Variants in ABCB4 observed in about 807,000 individuals in gnomAD.
ABCB4 encodes ATP binding cassette subfamily B member 4, also known as phosphatidylcholine translocator ABCB4.
A neutral mutation model predicts 145.7 loss-of-function variants in ABCB4; 76 were observed. That is an observed-to-expected ratio of 0.52 (90% CI 0.43 to 0.63). The LOEUF (loss-of-function observed/expected upper bound fraction) is 0.63, where lower values mean the gene tolerates loss of function less well. ABCB4 is among the 30% of genes least tolerant of loss of function. ABCB4 has a pLI of 0.00. For missense variants in ABCB4, 1,234 were observed against 1,553.1 expected (o/e 0.79, Z 3.45); for synonymous variants, 517 against 566.8 (o/e 0.91, Z 1.25).
chr7:87,460,803 T>C (rs1462340978), intron 4 of ABCB4, among the ~76,000 whole-genome samples: 1 of 151,946 alleles, frequency 6.6e-6, no homozygotes, highest in East Asian at 1.9e-4. Context: ...GTATTTTTTA[T>C]AGGTGTGTAG....
At chr7:87,439,546 G>C in intron 14 of ABCB4, 121 bp downstream of exon 14, 1 of 1,158,458 alleles carries the variant, frequency 8.6e-7, no homozygotes, top group South Asian at 1.2e-5. Context: ...AATCAATACA[G>C]CTCCATGAGG....
At chr7:87,375,032 A>G in the ABCB4 span, among the ~76,000 whole-genome samples, 2 of 152,076 alleles carry the variant, frequency 1.3e-5, no homozygotes, top group East Asian at 1.9e-4. Flanking sequence ...AAATTCACCA[A>G]TCTAGGAGCA....
Position 87,405,978 on chromosome 7 carries a change from TA to T in ABCB4, c.3486+309del, listed in dbSNP as rs543245101. ...ATGTAAATCCATAATTATCTCAAAA[TA>T]AAAACTATAATTGTTTTAAAAGTAC... is the stretch of plus-strand genomic sequence containing the variant. On this transcript the variant is annotated intron_variant, in intron 26 of 27. Coordinates refer to ENST00000649586, the MANE Select transcript of ABCB4 (RefSeq NM_000443.4). The T allele has an allele frequency of 3.0e-4, 127 of 418,258 alleles. 1 individual carries two copies. The highest frequency in any genetic ancestry group is 2.2e-3 in the African/African-American group (110 of 49,930). 25.9% of individuals were successfully genotyped at this position (418,258 alleles called of 1,614,324 possible). A position where few individuals can be genotyped will look rare whatever the true frequency, so the allele number is the denominator to read the frequency against.
At position 87,440,248 on chromosome 7, in the gene ABCB4, T is replaced by G. The variant is rs534819914; in HGVS notation, c.1511A>C (p.Lys504Thr). The change falls in exon 13 of 28, where the codon AAA (lysine) becomes ACA (threonine). Residue 504 changes from lysine (K) to threonine (T), a missense_variant. By Grantham distance (78) the Lys-to-Thr change is moderately conservative. Transcript: ENST00000649586. Reference sequence around the variant, plus strand: ...ATAGGCGTTGGCCTCTTTGACAGCTTTCTTTATCTCATCCATGGTTACATT... The same window carrying G: ...ATAGGCGTTGGCCTCTTTGACAGCTGTCTTTATCTCATCCATGGTTACATT... ...RGNVTMDEIK[K>T]AVKEANAYEF... 4 of 1,614,178 alleles carry G rather than the reference T, an allele frequency of 2.5e-6. No individual in the cohort carries two copies. The South Asian group carries it at 4.4e-5, about 18-fold the overall frequency.
At chr7:87,392,810 C>CT in the ABCB4 span, 5 of 1,613,352 alleles carry the variant, frequency 3.1e-6, no homozygotes, top group Middle Eastern at 1.6e-4. Context: ...TACGGACCCA[C>CT]TTTTTTCCAA....
At chr7:87,391,904 G>A in the ABCB4 span, among the ~76,000 whole-genome samples, 3 of 152,156 alleles carry the variant, frequency 2.0e-5, no homozygotes, top group Non-Finnish European at 2.9e-5. Context: ...GGGAAGGCAG[G>A]AAAAGGATCC....
intron 27 of ABCB4, among the ~76,000 whole-genome samples, chr7:87,402,642 T>A (rs45537731): frequency 1.3e-5 from 2 of 152,214 alleles, no homozygotes; most frequent in Non-Finnish European, 2.9e-5. Context: ...TTCTTTTGAA[T>A]GCTTTACTTT....
Position 87,462,919 on chromosome 7 carries a change from G to T in ABCB4, c.136-11C>A. ...ATCGGAGTATCGAAACTAAAAAAAG[G>T]AAATAAAATAATACTTAGCTGTGGA... is the stretch of plus-strand genomic sequence containing the variant. On this transcript the variant is annotated splice_polypyrimidine_tract_variant and intron_variant, in intron 3 of 27. Transcript: ENST00000649586. The T allele has an allele frequency of 1.2e-6, 2 of 1,611,442 alleles. No individual in the cohort carries two copies. Among genetic ancestry groups the T allele is most frequent in the Non-Finnish European group, 1.7e-6 (2 of 1,177,870 alleles).
At chr7:87,439,957 A>T in intron 13 of ABCB4, 120 bp from the exon 14 acceptor site, 2 of 1,360,026 alleles carry the variant, frequency 1.5e-6, no homozygotes, top group African/African-American at 1.5e-5. Flanking sequence ...TGTATCATAA[A>T]GTATGATAAG....
chr7:87,382,212 A>C, the ABCB4 span: 1 of 1,545,736 alleles, frequency 6.5e-7, no homozygotes, highest in South Asian at 1.2e-5. Context: ...TTAAATAATA[A>C]TGATTTTTTC....
At chr7:87,387,459 A>G in the ABCB4 span, among the ~76,000 whole-genome samples, 2 of 151,274 alleles carry the variant, frequency 1.3e-5, no homozygotes, top group African/African-American at 2.4e-5. Flanking sequence ...AACATGAGCT[A>G]TACTTTTTTT....
chr7:87,465,989 C>T (rs1365289893), intron 3 of ABCB4, among the ~76,000 whole-genome samples: 1 of 152,126 alleles, frequency 6.6e-6, no homozygotes, highest in Non-Finnish European at 1.5e-5. Flanking sequence ...AAAATCAGAG[C>T]GCCTCTCCTC....
At chr7:87,376,094 A>G in the ABCB4 span, 1 of 692,432 alleles carries the variant, frequency 1.4e-6, no homozygotes, top group East Asian at 2.9e-5. Flanking sequence ...CTTGTGCCAA[A>G]TTGAAGCTTA....
At chr7:87,404,580 A>G (rs892745846) in intron 26 of ABCB4, among the ~76,000 whole-genome samples, 5 of 152,218 alleles carry the variant, frequency 3.3e-5, no homozygotes, top group African/African-American at 1.2e-4. Context: ...TAAACAAGCT[A>G]CAGACTGGGA....
chr7:87,400,993 G>A (rs1011645918), downstream of ABCB4, among the ~76,000 whole-genome samples: 4 of 152,144 alleles, frequency 2.6e-5, no homozygotes, highest in East Asian at 7.7e-4. Flanking sequence ...CAGACCTACT[G>A]AATCAATTAT....
the ABCB4 span, among the ~76,000 whole-genome samples, chr7:87,379,766 T>C: frequency 1.3e-5 from 2 of 152,204 alleles, no homozygotes; most frequent in African/African-American, 4.8e-5. Flanking sequence ...CCTTCTAACC[T>C]AAGATGATTA....
intron 20 of ABCB4, among the ~76,000 whole-genome samples, chr7:87,417,879 G>A (rs1430463987): frequency 6.6e-6 from 1 of 152,256 alleles, no homozygotes; most frequent in Non-Finnish European, 1.5e-5. Flanking sequence ...TAATTCAAAA[G>A]TGTAAAAGGG....
chr7:87,366,637 C>G, the ABCB4 span, among the ~76,000 whole-genome samples: 1 of 152,212 alleles, frequency 6.6e-6, no homozygotes, highest in East Asian at 1.9e-4. Context: ...TGCTACTGCT[C>G]TCTTCATGGC....
intron 14 of ABCB4, 71 bp from the exon 15 acceptor site, chr7:87,431,636 G>A: frequency 6.4e-7 from 1 of 1,572,464 alleles, no homozygotes; most frequent in Non-Finnish European, 8.7e-7. Flanking sequence ...GCACAGTTAA[G>A]CACTTGGATG....
Sources: gnomAD v4.1 joint callset for allele counts (sites outside exome capture counted in the v4.1 genomes callset) on GRCh38, gnomAD v4.1.1 for gene constraint, MANE v1.5 for transcripts, NCBI Gene and HGNC (gene_info 2026-07-23, HGNC 2026-07-21) for gene names.